Variants in TENT5D observed in about 807,000 individuals in gnomAD.
TENT5D encodes the protein cancer/testis antigen 112.
For synonymous variants in TENT5D, 103 were observed against 100.6 expected (o/e 1.02, Z -0.15); for missense variants, 191 against 287.0 (o/e 0.67, Z 2.42).
At chrX:80,364,531 C>T (rs1446565110) in intron 3 of TENT5D, among the ~76,000 whole-genome samples, 2 of 110,517 alleles carry the variant, frequency 1.8e-5, no homozygotes, top group African/African-American at 6.6e-5. Context: ...TATATATAAA[C>T]TTAAGAGTTT....
intron 2 of TENT5D, among the ~76,000 whole-genome samples, chrX:80,439,648 T>G (rs1932242731): frequency 9.0e-6 from 1 of 110,955 alleles, no homozygotes; most frequent in South Asian, 3.7e-4. Flanking sequence ...TTGTCAAATC[T>G]TGATTATTCA....
chrX:80,340,085 T>C (rs773114036), intron 2 of TENT5D, among the ~76,000 whole-genome samples: 1 of 111,133 alleles, frequency 9.0e-6, no homozygotes, highest in African/African-American at 3.3e-5. Flanking sequence ...TTATTACAGA[T>C]ACTTTAGGGA....
At chrX:80,350,586 T>G (rs779679373) in intron 3 of TENT5D, among the ~76,000 whole-genome samples, 1 of 111,246 alleles carries the variant, frequency 9.0e-6, no homozygotes, top group African/African-American at 3.3e-5. Context: ...CACCGATGGG[T>G]CTTGTCTCTT....
intron 3 of TENT5D, among the ~76,000 whole-genome samples, chrX:80,348,281 G>A (rs1930107580): frequency 8.9e-6 from 1 of 111,794 alleles, no homozygotes; most frequent in South Asian, 3.7e-4. Flanking sequence ...TCACGATATT[G>A]ATTCTTCCTA....
chrX:80,410,000 C>T (rs1246102429), intron 3 of TENT5D, among the ~76,000 whole-genome samples: 2 of 108,527 alleles, frequency 1.8e-5, no homozygotes, highest in African/African-American at 6.7e-5. Context: ...GGAAAGGATT[C>T]CCTATTTAAT....
At chrX:80,388,644 TCTC>T (rs1231053032) in intron 3 of TENT5D, among the ~76,000 whole-genome samples, 2 of 111,598 alleles carry the variant, frequency 1.8e-5, no homozygotes, top group African/African-American at 6.5e-5. Flanking sequence ...TATTCTCCCC[TCTC>T]CTCCTCTCAA....
chrX:80,403,218 A>T (rs1430779323), intron 3 of TENT5D, among the ~76,000 whole-genome samples: 2 of 112,129 alleles, frequency 1.8e-5, no homozygotes, highest in African/African-American at 6.5e-5. Flanking sequence ...GCACTCTTAT[A>T]AACAATCAAT....
chrX:80,339,752 G>GA (rs1248131877), intron 2 of TENT5D, among the ~76,000 whole-genome samples: 2 of 109,426 alleles, frequency 1.8e-5, no homozygotes, highest in South Asian at 3.9e-4. Context: ...TGGAAAATTA[G>GA]AAAAAATAAA....
At chrX:80,366,542 A>G (rs1930515462) in intron 3 of TENT5D, among the ~76,000 whole-genome samples, 1 of 111,490 alleles carries the variant, frequency 9.0e-6, no homozygotes, top group Admixed American at 9.6e-5. Flanking sequence ...CACAAGTGCT[A>G]AATGTTTTTG....
rs375005499 is a variant in TENT5D at position 80,411,411 on chromosome X, A to G, written c.-141-27199A>G. Among the ~76,000 whole-genome samples the G allele has an allele frequency of 5.4e-5, 6 of 112,066 alleles. No individual in the cohort carries two copies. In the South Asian group the frequency reaches 2.2e-3, roughly 42 times the overall value. On this transcript the variant is annotated intron_variant, in intron 3 of 4. Transcript: ENST00000538312. Reference sequence around the variant, plus strand: ...ACTACATGCTTGAACTTACTGTTTTATCCTAGACATTCGTCTTTCTTAAAT... The same window carrying G: ...ACTACATGCTTGAACTTACTGTTTTGTCCTAGACATTCGTCTTTCTTAAAT...
chrX:80,382,579 TGAGGAGGGGTCTGCA>T (rs201367574), intron 3 of TENT5D, among the ~76,000 whole-genome samples: 12,794 of 111,044 alleles, frequency 0.12, 897 homozygotes, highest in East Asian at 0.47. Flanking sequence ...AGGTGTGTCC[TGAGGAGGGGTCTGCA>T]GAGGAGGGGT....
chrX:80,381,656 C>A (rs1930869321), intron 3 of TENT5D, among the ~76,000 whole-genome samples: 2 of 111,798 alleles, frequency 1.8e-5, no homozygotes, highest in South Asian at 7.4e-4. Context: ...TTGTTCATTT[C>A]TTTTTACTCT....
At chrX:80,350,070 T>C (rs1007274233) in intron 3 of TENT5D, among the ~76,000 whole-genome samples, 2 of 111,650 alleles carry the variant, frequency 1.8e-5, no homozygotes, top group Non-Finnish European at 3.8e-5. Context: ...CTTCCAATTA[T>C]GTGGACGATT....
At chrX:80,430,139 A>G (rs1402018831) in intron 1 of TENT5D, among the ~76,000 whole-genome samples, 3 of 111,510 alleles carry the variant, frequency 2.7e-5, no homozygotes, top group South Asian at 3.8e-4. Flanking sequence ...GGCTAGGAGT[A>G]AAAAAACATT....
At chrX:80,423,046 C>G (rs772369845) in intron 1 of TENT5D, among the ~76,000 whole-genome samples, 1 of 111,990 alleles carries the variant, frequency 8.9e-6, no homozygotes, top group Non-Finnish European at 1.9e-5. Flanking sequence ...TCAGCGATTC[C>G]CTTCAAAAGG....
intron 3 of TENT5D, among the ~76,000 whole-genome samples, chrX:80,346,238 A>G (rs1033255810): frequency 8.9e-6 from 1 of 112,138 alleles, no homozygotes; most frequent in South Asian, 3.7e-4. Context: ...GTATCCCATT[A>G]TATGAATGTA....
chrX:80,393,950 T>C (rs1931188248), intron 3 of TENT5D, among the ~76,000 whole-genome samples: 1 of 112,125 alleles, frequency 8.9e-6, no homozygotes, highest in Admixed American at 9.5e-5. Context: ...TTTTACCCAC[T>C]CATTGATGGA....
At chrX:80,340,028 T>C (rs1022574335) in intron 2 of TENT5D, among the ~76,000 whole-genome samples, 6 of 110,887 alleles carry the variant, frequency 5.4e-5, no homozygotes, top group Non-Finnish European at 9.5e-5. Context: ...CTTGAGTTGA[T>C]TGATTATTAA....
chrX:80,361,737 G>A (rs5913255), intron 3 of TENT5D, among the ~76,000 whole-genome samples: 10,321 of 111,708 alleles, frequency 0.092, 528 homozygotes, highest in Middle Eastern at 0.15. Context: ...TAATATTGCA[G>A]TGCCACCTAA....
Sources: allele counts gnomAD v4.1 joint callset (sites outside exome capture counted in the v4.1 genomes callset), GRCh38; gene constraint gnomAD v4.1.1; transcripts MANE v1.5; gene names NCBI Gene and HGNC (gene_info 2026-07-23, HGNC 2026-07-21).